CDH18: variants seen among roughly 807,000 people sequenced by gnomAD.
The protein encoded by CDH18 is cadherin 18.
A neutral mutation model predicts 67.9 loss-of-function variants in CDH18; 31 were observed. The observed-to-expected ratio is 0.46, with a 90% CI of 0.34 to 0.62. The LOEUF is 0.62. CDH18 is among the 20% of genes least tolerant of loss of function. The probability of loss-of-function intolerance (pLI) is 0.01; values close to 1 mark genes in which losing one functional copy is unlikely to be tolerated. For missense variants in CDH18, 890 were observed against 975.5 expected (o/e 0.91, Z 1.17); for synonymous variants, 362 against 347.2 (o/e 1.04, Z -0.48).
chr5:20,545,412 G>A (rs1757286682), intron 1 of CDH18, among the ~76,000 whole-genome samples: 1 of 152,186 alleles, frequency 6.6e-6, no homozygotes, highest in Admixed American at 6.5e-5. Flanking sequence ...CTCCATGAGG[G>A]CTCCACCCCT....
At chr5:19,915,859 C>CAGATCAT (rs1791719180) in intron 2 of CDH18, among the ~76,000 whole-genome samples, 1 of 151,880 alleles carries the variant, frequency 6.6e-6, no homozygotes, top group Non-Finnish European at 1.5e-5. Flanking sequence ...GTCCAGCGAC[C>CAGATCAT]AGATCATAGT....
intron 9 of CDH18, among the ~76,000 whole-genome samples, chr5:19,522,827 G>A (rs370131041): frequency 3.3e-5 from 5 of 151,262 alleles, no homozygotes; most frequent in East Asian, 2.0e-4. Flanking sequence ...CCTGGGAGGC[G>A]GAGGCTGCAG....
rs183591638 is a variant in CDH18, at chr5:20,263,105, C to A, written c.-579-7600G>T. ...TTTCTCCTTGATAAAAAAAAATACA[C>A]ACACACAATTATGTACCCTCGAGCA... is the stretch of plus-strand genomic sequence containing the variant. On this transcript the variant is annotated intron_variant, in intron 1 of 14. Transcript: ENST00000507958. Among the ~76,000 whole-genome samples the A allele has an allele frequency of 7.9e-5, 12 of 151,986 alleles. No homozygotes were observed. In the East Asian group the frequency reaches 2.3e-3, roughly 30 times the overall value.
intron 2 of CDH18, among the ~76,000 whole-genome samples, chr5:19,915,730 C>T (rs1477657776): frequency 6.6e-6 from 1 of 151,178 alleles, no homozygotes; most frequent in African/African-American, 2.4e-5. Context: ...AAATGGCAGG[C>T]AACATAGATA....
rs557449071 is a variant in CDH18, at chr5:19,576,740, T to C, written c.1000-4908A>G. 1.4e-3 allele frequency among the ~76,000 whole-genome samples: 217 copies of C among 152,268 alleles called. 1 individual carries two copies. Among genetic ancestry groups the C allele is most frequent in the Admixed American group, 4.9e-3 (75 of 15,282 alleles). On this transcript the variant is annotated intron_variant, in intron 7 of 12. Coordinates refer to ENST00000382275, the MANE Select transcript of CDH18 (RefSeq NM_004934.5). ...GATCCAGCAATCCCCTGACTGGGTA[T>C]ATAGCCAAAGGAACTGACATCAGTA...
At chr5:19,935,545 C>A (rs772127287) in intron 2 of CDH18, among the ~76,000 whole-genome samples, 2 of 151,188 alleles carry the variant, frequency 1.3e-5, no homozygotes, top group Non-Finnish European at 3.0e-5. Flanking sequence ...AGGAGGAATA[C>A]GCAATACGTT....
chr5:19,674,315 A>G (rs1220181376), intron 5 of CDH18, among the ~76,000 whole-genome samples: 1 of 152,124 alleles, frequency 6.6e-6, no homozygotes, highest in Non-Finnish European at 1.5e-5. Context: ...TGTGAAACCA[A>G]AGAAATTTAA....
At chr5:19,713,822 A>G (rs193088930) in intron 5 of CDH18, among the ~76,000 whole-genome samples, 14 of 152,240 alleles carry the variant, frequency 9.2e-5, no homozygotes, top group African/African-American at 3.4e-4. Flanking sequence ...GCAGTTTGAT[A>G]TTGCACTGAA....
At chr5:20,309,684 C>G (rs142944596) in intron 1 of CDH18, among the ~76,000 whole-genome samples, 2 of 152,240 alleles carry the variant, frequency 1.3e-5, no homozygotes, top group Middle Eastern at 3.4e-3. Context: ...GCATAAATAT[C>G]TCCAGCCATT....
At position 20,429,367 on chromosome 5, in the gene CDH18, G is replaced by A. The variant is rs550767122; in HGVS notation, c.-580+146095C>T. Among the ~76,000 whole-genome samples the A allele has an allele frequency of 6.6e-5, 10 of 152,226 alleles. No individual in the cohort carries two copies. The South Asian group carries it at 1.9e-3, about 28-fold the overall frequency. Reference sequence around the variant, plus strand: ...AGAATAACACCATTCCATGGTTCTAGAAGGAAAAGTCATTGTATATTTTCC... The same window carrying A: ...AGAATAACACCATTCCATGGTTCTAAAAGGAAAAGTCATTGTATATTTTCC... On this transcript the variant is annotated intron_variant, in intron 1 of 14. Transcript: ENST00000507958.
At chr5:19,712,107 T>C (rs866942777) in intron 5 of CDH18, among the ~76,000 whole-genome samples, 2 of 152,064 alleles carry the variant, frequency 1.3e-5, no homozygotes, top group South Asian at 4.1e-4. Context: ...CTAAATAATG[T>C]GTACACATGG....
rs191071073 is a variant in CDH18, at chr5:20,418,606, T to G, written c.-580+156856A>C. Among the ~76,000 whole-genome samples the G allele has an allele frequency of 4.6e-5, 7 of 151,758 alleles. No homozygotes were observed. In the East Asian group the frequency reaches 1.4e-3, roughly 30 times the overall value. On this transcript the variant is annotated intron_variant, in intron 1 of 14. Transcript: ENST00000507958. ...GGTTTTTCAATTTTATTCTTTTTGTTTAGCCCTTAAAAACCCAATGGATAT... is the reference window on the plus strand; with the variant it reads ...GGTTTTTCAATTTTATTCTTTTTGTGTAGCCCTTAAAAACCCAATGGATAT...
intron 12 of CDH18, among the ~76,000 whole-genome samples, chr5:19,475,533 A>AAC (rs143709369): frequency 0.056 from 8,170 of 146,796 alleles, 256 homozygotes; most frequent in African/African-American, 0.09. Flanking sequence ...GACCATCTGC[A>AAC]ACACACACAC....
chr5:20,064,766 C>T (rs984615225), intron 2 of CDH18, among the ~76,000 whole-genome samples: 1 of 151,934 alleles, frequency 6.6e-6, no homozygotes, highest in Non-Finnish European at 1.5e-5. Flanking sequence ...ACAGTGTCTT[C>T]AGTGAAGACA....
intron 2 of CDH18, among the ~76,000 whole-genome samples, chr5:19,861,267 G>T (rs944606853): frequency 7.1e-6 from 1 of 140,436 alleles, no homozygotes; most frequent in Admixed American, 7.5e-5. Flanking sequence ...CATCAATTTA[G>T]GTGCTGTAAG....
intron 2 of CDH18, among the ~76,000 whole-genome samples, chr5:20,146,730 G>A (rs1299503360): frequency 6.6e-6 from 1 of 151,776 alleles, no homozygotes; most frequent in South Asian, 2.1e-4. Flanking sequence ...AACAAAGTAA[G>A]CTACATAAAC....
chr5:19,671,427 T>A (rs1758736209), intron 5 of CDH18, among the ~76,000 whole-genome samples: 2 of 152,180 alleles, frequency 1.3e-5, no homozygotes, highest in African/African-American at 4.8e-5. Context: ...AAAAGATGCT[T>A]TTTCATTTGC....
rs137984497 is a variant in CDH18 at position 19,650,233 on chromosome 5, T to C, written c.644-37632A>G. On this transcript the variant is annotated intron_variant, in intron 5 of 12. Transcript: ENST00000382275. ...TGTTTAATTAAGGTTGCTTTCTATG[T>C]AGTACACTTTGGAAGAAATCCCTCT... 5.8e-3 allele frequency among the ~76,000 whole-genome samples: 888 copies of C among 152,030 alleles called. 11 individuals are homozygous for C. The highest frequency in any genetic ancestry group is 0.021 in the African/African-American group (862 of 41,524).
intron 2 of CDH18, among the ~76,000 whole-genome samples, chr5:20,164,255 T>C (rs1225339588): frequency 6.6e-6 from 1 of 152,152 alleles, no homozygotes; most frequent in East Asian, 1.9e-4. Flanking sequence ...TTAAATATCT[T>C]TCTAAATCAT....
Sources: gnomAD v4.1 joint callset for allele counts (sites outside exome capture counted in the v4.1 genomes callset) on GRCh38, gnomAD v4.1.1 for gene constraint, MANE v1.5 for transcripts, NCBI Gene and HGNC (gene_info 2026-07-23, HGNC 2026-07-21) for gene names.